Variants in CAMK2D observed in about 807,000 individuals in gnomAD.
The protein encoded by CAMK2D is calcium/calmodulin dependent protein kinase II delta, also known as calcium/calmodulin-dependent protein kinase type II subunit delta.
In CAMK2D, 37 loss-of-function variants were observed where a neutral mutation model predicts 84.0. The ratio of observed to expected loss-of-function variants is 0.44; its 90% CI spans 0.34 to 0.58. The LOEUF is 0.58. CAMK2D is among the 20% of genes least tolerant of loss of function. The probability of loss-of-function intolerance (pLI) is 0.02; values close to 1 mark genes in which losing one functional copy is unlikely to be tolerated. For synonymous variants in CAMK2D, 202 were observed against 212.5 expected, an observed-to-expected ratio of 0.95 and a Z score of 0.43; for missense variants, 448 against 652.5, an observed-to-expected ratio of 0.69 and a Z score of 3.41.
intron 16 of CAMK2D, among the ~76,000 whole-genome samples, chr4:113,473,552 A>G (rs1044495268): frequency 3.3e-5 from 5 of 152,234 alleles, no homozygotes; most frequent in Admixed American, 6.5e-5. Context: ...ACGAATGTTT[A>G]CTGTAAACCT....
chr4:113,759,897 G>C (rs2099636807), intron 1 of CAMK2D, among the ~76,000 whole-genome samples: 1 of 152,162 alleles, frequency 6.6e-6, no homozygotes. Context: ...TCCTGGTATG[G>C]TGATTTCTCT....
At chr4:113,614,165 C>T (rs939800473) in intron 3 of CAMK2D, among the ~76,000 whole-genome samples, 4 of 151,922 alleles carry the variant, frequency 2.6e-5, no homozygotes, top group Non-Finnish European at 1.5e-5. Flanking sequence ...CTTAACAGTA[C>T]CCCCCACACA....
At chr4:113,642,668 A>G (rs1297922461) in intron 3 of CAMK2D, among the ~76,000 whole-genome samples, 1 of 152,100 alleles carries the variant, frequency 6.6e-6, no homozygotes, top group Non-Finnish European at 1.5e-5. Flanking sequence ...TGGCAAAAGC[A>G]TACTTCTCCT....
At chr4:113,458,431 C>G (rs556895218) in intron 18 of CAMK2D, among the ~76,000 whole-genome samples, 1 of 152,262 alleles carries the variant, frequency 6.6e-6, no homozygotes, top group South Asian at 2.1e-4. Context: ...CAGAAAACAT[C>G]TATTCAAATT....
At chr4:113,750,061 A>G (rs1000897140) in intron 2 of CAMK2D, among the ~76,000 whole-genome samples, 8 of 152,378 alleles carry the variant, frequency 5.3e-5, no homozygotes, top group Non-Finnish European at 1.0e-4. Context: ...GCAGACTGAA[A>G]GATAAACTAA....
intron 3 of CAMK2D, among the ~76,000 whole-genome samples, chr4:113,626,998 A>AT (rs1317637671): frequency 6.6e-6 from 1 of 152,114 alleles, no homozygotes; most frequent in Non-Finnish European, 1.5e-5. Flanking sequence ...AAGAATTAAG[A>AT]TTTTTCATAG....
intron 3 of CAMK2D, among the ~76,000 whole-genome samples, chr4:113,643,419 A>G (rs2099139995): frequency 6.6e-6 from 1 of 152,248 alleles, no homozygotes; most frequent in Non-Finnish European, 1.5e-5. Context: ...TCATGCACCC[A>G]AATTTAAAGT....
At chr4:113,503,685 G>T (rs948963840) in intron 14 of CAMK2D, among the ~76,000 whole-genome samples, 5 of 152,020 alleles carry the variant, frequency 3.3e-5, no homozygotes, top group Non-Finnish European at 7.4e-5. Flanking sequence ...TCTACTTTAT[G>T]GACTATATAT....
intron 3 of CAMK2D, among the ~76,000 whole-genome samples, chr4:113,643,223 A>G (rs566558907): frequency 1.3e-5 from 2 of 148,736 alleles, no homozygotes; most frequent in African/African-American, 5.2e-5. Flanking sequence ...TTATATTTCA[A>G]TAGAAAGGGA....
At chr4:113,659,093 G>A (rs1409723611) in intron 3 of CAMK2D, among the ~76,000 whole-genome samples, 1 of 152,166 alleles carries the variant, frequency 6.6e-6, no homozygotes. Context: ...AATGAAAAGA[G>A]TTCTTGTTTT....
intron 3 of CAMK2D, among the ~76,000 whole-genome samples, chr4:113,611,047 AACACACAC>A (rs141563975): frequency 1.4e-4 from 21 of 148,730 alleles, no homozygotes; most frequent in East Asian, 1.2e-3. Flanking sequence ...ATATACACAT[AACACACAC>A]ACACACACAC....
chr4:113,609,119 T>C lies in CAMK2D; in HGVS notation c.275+33A>G, dbSNP rs1181262045. ...AATTCAAAACGGTCCTCAATTAGAT[T>C]GCAAAAATAATGAATACAGAGTATA... On this transcript the variant is annotated intron_variant, in intron 4 of 20. Transcript: ENST00000511664. 4.9e-6 allele frequency: 6 copies of C among 1,223,920 alleles called. No individual in the cohort carries two copies. In the Admixed American group the frequency reaches 1.0e-4, roughly 21 times the overall value. The allele number at this position is 1,223,920 out of a possible 1,614,324, so 75.8% of individuals were successfully genotyped here.
At chr4:113,570,775 A>G (rs528510475) in intron 4 of CAMK2D, among the ~76,000 whole-genome samples, 2 of 152,258 alleles carry the variant, frequency 1.3e-5, no homozygotes, top group African/African-American at 4.8e-5. Flanking sequence ...AAAAGATCAG[A>G]CAACAAAAGC....
At chr4:113,546,649 A>G (rs2098576301) in intron 6 of CAMK2D, among the ~76,000 whole-genome samples, 1 of 152,214 alleles carries the variant, frequency 6.6e-6, no homozygotes, top group Non-Finnish European at 1.5e-5. Flanking sequence ...AAACACACAT[A>G]GTTTTAGACA....
chr4:113,635,107 G>A (rs2099104991), intron 3 of CAMK2D, among the ~76,000 whole-genome samples: 1 of 152,226 alleles, frequency 6.6e-6, no homozygotes, highest in Admixed American at 6.5e-5. Flanking sequence ...TGCTAATGCT[G>A]TATGCGAAAG....
At chr4:113,548,059 C>A (rs531396200) in intron 5 of CAMK2D, among the ~76,000 whole-genome samples, 1 of 152,162 alleles carries the variant, frequency 6.6e-6, no homozygotes, top group Non-Finnish European at 1.5e-5. Context: ...GCCTCCACCC[C>A]GTCACATAAA....
At chr4:113,614,682 A>G (rs543397677) in intron 3 of CAMK2D, among the ~76,000 whole-genome samples, 13 of 152,204 alleles carry the variant, frequency 8.5e-5, no homozygotes, top group Non-Finnish European at 1.8e-4. Flanking sequence ...CAGTCAACTC[A>G]TAGAATTATC....
chr4:113,732,924 A>C (rs1364056211), intron 2 of CAMK2D, among the ~76,000 whole-genome samples: 2 of 152,186 alleles, frequency 1.3e-5, no homozygotes, highest in African/African-American at 4.8e-5. Flanking sequence ...ATAAATGAAA[A>C]AGACTTAAGG....
At chr4:113,495,736 T>G (rs2097918988) in intron 16 of CAMK2D, among the ~76,000 whole-genome samples, 1 of 152,118 alleles carries the variant, frequency 6.6e-6, no homozygotes, top group African/African-American at 2.4e-5. Context: ...TCAAGAAGGA[T>G]GAAGTCTCCA....
Sources: gnomAD v4.1 joint callset for allele counts (sites outside exome capture counted in the v4.1 genomes callset) on GRCh38, gnomAD v4.1.1 for gene constraint, MANE v1.5 for transcripts, NCBI Gene and HGNC (gene_info 2026-07-23, HGNC 2026-07-21) for gene names.